The following ABCA10 variants were observed in gnomAD, a reference collection of about 807,000 sequenced individuals.
The protein encoded by ABCA10 is ATP binding cassette subfamily A member 10.
A neutral mutation model predicts 187.5 loss-of-function variants in ABCA10; 169 were observed. The observed-to-expected ratio is 0.90, with a 90% CI of 0.80 to 1.02. ABCA10 has a LOEUF of 1.02. ABCA10 is among the 50% of genes least tolerant of loss of function. The pLI is 0.00. For synonymous variants in ABCA10, 574 were observed against 601.8 expected (o/e 0.95, Z 0.68); for missense variants, 1,727 against 1,812.4 (o/e 0.95, Z 0.86).
intron 20 of ABCA10, among the ~76,000 whole-genome samples, chr17:69,183,240 C>T (rs945837526): frequency 6.6e-6 from 1 of 152,158 alleles, no homozygotes; most frequent in African/African-American, 2.4e-5. Context: ...TGGCACTAAC[C>T]TTGCCATGAT....
At chr17:69,197,148 T>C (rs1568065116) in intron 10 of ABCA10, 26 bp from the exon 11 acceptor site, 1 of 1,520,506 alleles carries the variant, frequency 6.6e-7, no homozygotes, top group Admixed American at 1.7e-5. Flanking sequence ...GTAATTTTCA[T>C]GTAAATGCAT....
chr17:69,192,528 G>T (rs752983175), intron 16 of ABCA10, 35 bp downstream of exon 16: 5 of 1,521,162 alleles, frequency 3.3e-6, no homozygotes, highest in Non-Finnish European at 4.5e-6. Flanking sequence ...ATATTAATAT[G>T]CTCATTTAAA....
chr17:69,188,011 A>G, intron 18 of ABCA10, 132 bp from the exon 19 acceptor site: 1 of 774,640 alleles, frequency 1.3e-6, no homozygotes, highest in African/African-American at 1.8e-5. Flanking sequence ...CATAATCAAA[A>G]TTTACGTTAA....
At chr17:69,226,491 A>C (rs1326556873) in intron 2 of ABCA10, among the ~76,000 whole-genome samples, 1 of 152,042 alleles carries the variant, frequency 6.6e-6, no homozygotes, top group Non-Finnish European at 1.5e-5. Flanking sequence ...CAATCTCTAC[A>C]TGGTCAAGGC....
intron 23 of ABCA10, among the ~76,000 whole-genome samples, chr17:69,175,166 C>T (rs1341469797): frequency 6.6e-6 from 1 of 152,126 alleles, no homozygotes; most frequent in Non-Finnish European, 1.5e-5. Context: ...ACATCTTCAT[C>T]CCTGAAGTTT....
chr17:69,178,829 A>G lies in ABCA10; in HGVS notation c.2770-3316T>C, dbSNP rs548352715. ...TTCTGGTGAAAATGCAACAACTAGA[A>G]AAAGACTGAAATTCTTAACTTTCCT... On this transcript the variant is annotated intron_variant, in intron 22 of 38. Coordinates refer to ENST00000690296, the MANE Select transcript of ABCA10 (RefSeq NM_001377321.1). 3.3e-5 allele frequency: 5 copies of G among 152,280 alleles called. No homozygotes were observed. In the East Asian group the frequency reaches 9.6e-4, roughly 29 times the overall value. The allele number at this position is 152,280 out of a possible 1,614,324, so 9.4% of individuals were successfully genotyped here.
At chr17:69,240,220 C>T (rs1004710368) in intron 1 of ABCA10, among the ~76,000 whole-genome samples, 12 of 152,288 alleles carry the variant, frequency 7.9e-5, no homozygotes, top group African/African-American at 2.2e-4. Flanking sequence ...TTGTGTGATA[C>T]AGTACATTTC....
In ABCA10 at chr17:69,185,367, G is replaced by GGAGCAA. The variant is rs145177816; in HGVS notation, c.2497+104_2497+109dup. ...CCATCAGTTTCCTTCATTTGAAAAT[G>GGAGCAA]GAGCAAGCTGGATAGACACCATTTT... On this transcript the variant is annotated intron_variant, in intron 20 of 38. Coordinates refer to ENST00000690296, the MANE Select transcript of ABCA10 (RefSeq NM_001377321.1). 5.3e-3 allele frequency: 5,767 copies of GGAGCAA among 1,089,564 alleles called. 149 individuals are homozygous for GGAGCAA. In the African/African-American group the frequency reaches 0.065, roughly 12 times the overall value. 67.5% of individuals were successfully genotyped at this position (1,089,564 alleles called of 1,614,324 possible). A position where few individuals can be genotyped will look rare whatever the true frequency, so the allele number is the denominator to read the frequency against.
At chr17:69,189,383 G>A (rs974032039) in intron 18 of ABCA10, among the ~76,000 whole-genome samples, 8 of 151,626 alleles carry the variant, frequency 5.3e-5, no homozygotes, top group Non-Finnish European at 7.4e-5. Flanking sequence ...GTTGTTTTTG[G>A]CTTACTGATT....
chr17:69,166,054 C>G (rs1303052933), intron 25 of ABCA10, among the ~76,000 whole-genome samples: 1 of 152,128 alleles, frequency 6.6e-6, no homozygotes, highest in Non-Finnish European at 1.5e-5. Flanking sequence ...ATAAAATTAA[C>G]TGTAGAACAC....
At chr17:69,208,043 T>G (rs1322354948) in intron 9 of ABCA10, among the ~76,000 whole-genome samples, 1 of 152,170 alleles carries the variant, frequency 6.6e-6, no homozygotes, top group East Asian at 1.9e-4. Context: ...ATATCAAGTT[T>G]TTGGCAATTA....
chr17:69,226,488 T>C (rs145796301), intron 2 of ABCA10, among the ~76,000 whole-genome samples: 26 of 152,160 alleles, frequency 1.7e-4, no homozygotes, highest in African/African-American at 5.8e-4. Flanking sequence ...CTGCAATCTC[T>C]ACATGGTCAA....
At chr17:69,229,245 G>C (rs1381683977), upstream of ABCA10, among the ~76,000 whole-genome samples, 2 of 151,964 alleles carry the variant, frequency 1.3e-5, no homozygotes, top group African/African-American at 4.8e-5. Flanking sequence ...AATTTGAAAG[G>C]TGGGGCTAAC....
chr17:69,243,666 G>C (rs2074920559), intron 1 of ABCA10, among the ~76,000 whole-genome samples: 1 of 152,194 alleles, frequency 6.6e-6, no homozygotes, highest in African/African-American at 2.4e-5. Flanking sequence ...GGGAGGCCAA[G>C]GCAGGAGGAT....
chr17:69,154,020 CAATG>C lies in ABCA10; in HGVS notation c.3787-15_3787-12del, dbSNP rs1568048260. ...GCCTTGTAACACCACCTGCACAAGA[CAATG>C]AATGTCAGATTCACCTTTGGTTTTT... On this transcript the variant is annotated splice_polypyrimidine_tract_variant and intron_variant, in intron 31 of 38. Transcript: ENST00000690296. The C allele has an allele frequency of 1.9e-6, 3 of 1,609,726 alleles. No homozygotes were observed. The South Asian group carries it at 3.3e-5, about 18-fold the overall frequency.
intron 22 of ABCA10, among the ~76,000 whole-genome samples, chr17:69,181,104 T>C (rs967146492): frequency 6.6e-6 from 1 of 152,162 alleles, no homozygotes; most frequent in Non-Finnish European, 1.5e-5. Flanking sequence ...CCATATTTTA[T>C]CATAAATCCC....
At chr17:69,162,000 C>T (rs890194038) in intron 27 of ABCA10, among the ~76,000 whole-genome samples, 3 of 152,172 alleles carry the variant, frequency 2.0e-5, no homozygotes, top group African/African-American at 7.2e-5. Context: ...CTTTCATCTC[C>T]TAATTGAAGA....
chr17:69,163,027 C>T (rs565824537), intron 27 of ABCA10, among the ~76,000 whole-genome samples: 5 of 151,908 alleles, frequency 3.3e-5, no homozygotes, highest in African/African-American at 7.2e-5. Flanking sequence ...TGTAGAGATG[C>T]GGTTTCACCA....
intron 25 of ABCA10, among the ~76,000 whole-genome samples, chr17:69,168,754 T>C (rs1280138219): frequency 6.6e-6 from 1 of 152,188 alleles, no homozygotes; most frequent in Non-Finnish European, 1.5e-5. Context: ...TTTCCTGTGC[T>C]GTTCTCATGA....
Sources: allele counts gnomAD v4.1 joint callset (sites outside exome capture counted in the v4.1 genomes callset), GRCh38; gene constraint gnomAD v4.1.1; transcripts MANE v1.5; gene names NCBI Gene and HGNC (gene_info 2026-07-23, HGNC 2026-07-21).